Variants in ROBO2 observed in about 807,000 individuals in gnomAD.
ROBO2 encodes roundabout homolog 2.
In ROBO2, 53 loss-of-function variants were observed where a neutral mutation model predicts 160.8. The ratio of observed to expected loss-of-function variants is 0.33; its 90% confidence interval spans 0.26 to 0.41. The LOEUF (loss-of-function observed/expected upper bound fraction) is 0.41. Ranked by LOEUF, ROBO2 falls within the 10% of genes least tolerant of loss-of-function variation. The pLI is 1.00. For missense variants in ROBO2, 1,577 were observed against 1,722.4 expected (o/e 0.92, Z 1.49); for synonymous variants, 664 against 611.7 (o/e 1.09, Z -1.26).
intron 2 of ROBO2, among the ~76,000 whole-genome samples, chr3:75,978,938 C>T (rs1313168725): frequency 6.6e-6 from 1 of 151,342 alleles, no homozygotes; most frequent in Non-Finnish European, 1.5e-5. Flanking sequence ...CCTCTCCCTC[C>T]ACCATGAGAT....
chr3:75,908,471 A>G (rs1946440971), intron 1 of ROBO2, among the ~76,000 whole-genome samples: 1 of 152,024 alleles, frequency 6.6e-6, no homozygotes, highest in Admixed American at 6.6e-5. Context: ...TGTGTCACAG[A>G]AGTATTACTT....
chr3:76,365,529 A>G (rs946559828), intron 2 of ROBO2, among the ~76,000 whole-genome samples: 2 of 152,064 alleles, frequency 1.3e-5, no homozygotes, highest in African/African-American at 2.4e-5. Flanking sequence ...ATGAATAGCA[A>G]TTTAGACCTT....
At chr3:76,371,697 T>TA (rs2076111025) in intron 2 of ROBO2, among the ~76,000 whole-genome samples, 1 of 151,912 alleles carries the variant, frequency 6.6e-6, no homozygotes, top group Non-Finnish European at 1.5e-5. Context: ...CAACATCACT[T>TA]AAAAAATGTA....
chr3:77,239,354 T>G (rs555184784), intron 2 of ROBO2, among the ~76,000 whole-genome samples: 155 of 152,218 alleles, frequency 1.0e-3, no homozygotes, highest in African/African-American at 3.5e-3. Context: ...TTCCTCCCGG[T>G]GGGCTTGTGG....
At chr3:77,266,402 A>G (rs1014025319) in intron 2 of ROBO2, among the ~76,000 whole-genome samples, 2 of 151,968 alleles carry the variant, frequency 1.3e-5, no homozygotes, top group African/African-American at 4.8e-5. Context: ...TCCTTCTAGA[A>G]CTGTACTACT....
At chr3:77,064,767 T>G (rs1215857647) in intron 1 of ROBO2, among the ~76,000 whole-genome samples, 1 of 152,184 alleles carries the variant, frequency 6.6e-6, no homozygotes, top group Non-Finnish European at 1.5e-5. Flanking sequence ...TTCATAATGA[T>G]TTGTGCTTCC....
At chr3:76,707,037 T>A (rs550316938) in intron 2 of ROBO2, among the ~76,000 whole-genome samples, 1 of 152,024 alleles carries the variant, frequency 6.6e-6, no homozygotes, top group East Asian at 1.9e-4. Flanking sequence ...TATATTCTAA[T>A]GTGTGTATGC....
At chr3:75,997,660 T>C (rs2065769563) in intron 2 of ROBO2, among the ~76,000 whole-genome samples, 1 of 151,882 alleles carries the variant, frequency 6.6e-6, no homozygotes, top group Non-Finnish European at 1.5e-5. Context: ...CCTGGCTAAT[T>C]TTTTGTGTGT....
At chr3:76,712,871 T>A (rs2093321951) in intron 2 of ROBO2, among the ~76,000 whole-genome samples, 1 of 152,134 alleles carries the variant, frequency 6.6e-6, no homozygotes, top group Admixed American at 6.6e-5. Flanking sequence ...TAAAGTAACT[T>A]TTTCACATTA....
Position 76,949,917 on chromosome 3 carries a change from A to C in ROBO2, c.110-148097A>C, listed in dbSNP as rs2078857400. 1.3e-5 allele frequency among the ~76,000 whole-genome samples: 2 copies of C among 152,252 alleles called. 1 individual carries two copies. The highest frequency in any genetic ancestry group is 4.1e-4 in the South Asian group (2 of 4,836). On this transcript the variant is annotated intron_variant, in intron 2 of 26. Transcript: ENST00000487694. Reference sequence around the variant, plus strand: ...TGCTTAATTCTTTCTGTAAGAACATATACAAGCAGTCATTCAACCTATATA... The same window carrying C: ...TGCTTAATTCTTTCTGTAAGAACATCTACAAGCAGTCATTCAACCTATATA...
At chr3:76,615,676 T>C (rs1011814180) in intron 2 of ROBO2, among the ~76,000 whole-genome samples, 1 of 152,190 alleles carries the variant, frequency 6.6e-6, no homozygotes, top group East Asian at 1.9e-4. Context: ...TACAGTTACA[T>C]AGTTTCACCT....
At chr3:77,508,400 A>G (rs1248109393) in intron 5 of ROBO2, among the ~76,000 whole-genome samples, 4 of 148,230 alleles carry the variant, frequency 2.7e-5, no homozygotes, top group African/African-American at 7.3e-5. Context: ...AGCATTATAT[A>G]TAAATGTATA....
intron 16 of ROBO2, among the ~76,000 whole-genome samples, chr3:77,586,983 A>G (rs1264825812): frequency 6.6e-6 from 1 of 151,960 alleles, no homozygotes; most frequent in Non-Finnish European, 1.5e-5. Context: ...TCAGGAATGG[A>G]TTATAAGTAT....
At chr3:76,498,098 A>G (rs781008238) in intron 2 of ROBO2, among the ~76,000 whole-genome samples, 3 of 152,210 alleles carry the variant, frequency 2.0e-5, no homozygotes, top group Non-Finnish European at 4.4e-5. Flanking sequence ...TGGTATGTTC[A>G]GTGTTGTAAT....
intron 2 of ROBO2, among the ~76,000 whole-genome samples, chr3:77,297,199 A>C (rs1202875691): frequency 2.0e-5 from 3 of 152,126 alleles, no homozygotes; most frequent in East Asian, 1.9e-4. Flanking sequence ...CTTGGGCTAC[A>C]TGTGACAGTG....
intron 1 of ROBO2, among the ~76,000 whole-genome samples, chr3:77,054,861 CAT>C (rs2065566427): frequency 6.6e-6 from 1 of 151,980 alleles, no homozygotes; most frequent in Non-Finnish European, 1.5e-5. Flanking sequence ...AGCAGATGGG[CAT>C]CCTGCCGTAA....
chr3:77,146,193 C>T (rs1208802913), intron 2 of ROBO2, among the ~76,000 whole-genome samples: 1 of 152,164 alleles, frequency 6.6e-6, no homozygotes, highest in East Asian at 1.9e-4. Flanking sequence ...GTACCTCCTG[C>T]CTGCTCAGGG....
intron 2 of ROBO2, among the ~76,000 whole-genome samples, chr3:76,994,107 T>C (rs1322599639): frequency 2.6e-5 from 4 of 151,684 alleles, no homozygotes; most frequent in African/African-American, 9.7e-5. Context: ...TTTTTTGTTG[T>C]TTTAAAGCTG....
chr3:76,432,648 A>C (rs1185605677), intron 2 of ROBO2, among the ~76,000 whole-genome samples: 1 of 152,164 alleles, frequency 6.6e-6, no homozygotes, highest in East Asian at 1.9e-4. Flanking sequence ...AGAACTAGTG[A>C]TCAAAGAGAA....
Sources: allele counts gnomAD v4.1 joint callset (sites outside exome capture counted in the v4.1 genomes callset), GRCh38; gene constraint gnomAD v4.1.1; transcripts MANE v1.5; gene names NCBI Gene and HGNC (gene_info 2026-07-23, HGNC 2026-07-21).